The following PIK3R3 variants were observed in gnomAD, a reference collection of about 807,000 sequenced individuals.
The protein encoded by PIK3R3 is phosphatidylinositol 3-kinase regulatory subunit gamma.
Under a neutral mutation model 62.9 loss-of-function variants are expected in PIK3R3, and 64 were observed. The ratio of observed to expected loss-of-function variants is 1.02; its 90% CI spans 0.83 to 1.25. PIK3R3 has a LOEUF of 1.25. Ranked by LOEUF, PIK3R3 falls within the 50% of genes most tolerant of loss-of-function variation. The probability of loss-of-function intolerance (pLI) is 0.00; values close to 1 mark genes in which losing one functional copy is unlikely to be tolerated. For missense variants in PIK3R3, 614 were observed against 561.6 expected (o/e 1.09, Z -0.94); for synonymous variants, 165 against 189.0 (o/e 0.87, Z 1.04).
chr1:46,116,533 G>A (rs571676545), intron 1 of PIK3R3, among the ~76,000 whole-genome samples: 1 of 151,494 alleles, frequency 6.6e-6, no homozygotes, highest in South Asian at 2.1e-4. Flanking sequence ...TCAAAAATGT[G>A]TTTTTGCAGT....
intron 9 of PIK3R3, among the ~76,000 whole-genome samples, chr1:46,045,508 A>C (rs1419958584): frequency 6.6e-6 from 1 of 151,290 alleles, no homozygotes; most frequent in Admixed American, 6.6e-5. Flanking sequence ...TTAAAATTTT[A>C]GATAGAGTTT....
the PIK3R3 span, among the ~76,000 whole-genome samples, chr1:46,159,830 A>C: frequency 6.6e-6 from 1 of 152,128 alleles, no homozygotes; most frequent in Non-Finnish European, 1.5e-5. Context: ...GATTTAGCAT[A>C]GCCAAAGGAA....
chr1:46,092,432 C>G (rs1240440964), intron 1 of PIK3R3, among the ~76,000 whole-genome samples: 1 of 152,182 alleles, frequency 6.6e-6, no homozygotes, highest in Non-Finnish European at 1.5e-5. Flanking sequence ...GGTGCTATCT[C>G]GACTCACTGC....
intron 1 of PIK3R3, among the ~76,000 whole-genome samples, chr1:46,092,204 G>A (rs1397928139): frequency 2.6e-5 from 4 of 152,126 alleles, no homozygotes; most frequent in Admixed American, 6.5e-5. Flanking sequence ...AAATGAAGGC[G>A]CCTTAGCCCA....
intron 3 of PIK3R3, among the ~76,000 whole-genome samples, chr1:46,077,089 C>T (rs915018847): frequency 2.6e-5 from 4 of 152,104 alleles, no homozygotes; most frequent in East Asian, 1.9e-4. Flanking sequence ...GCATGATATA[C>T]GCTAGGAACT....
chr1:46,074,267 C>T (rs576580737), intron 3 of PIK3R3, among the ~76,000 whole-genome samples: 72 of 106,560 alleles, frequency 6.8e-4, no homozygotes, highest in African/African-American at 2.3e-3. Context: ...CCAGCCTGGG[C>T]GACAGAGCTA....
chr1:46,049,103 T>C lies in PIK3R3; in HGVS notation c.942-2478A>G, dbSNP rs916707272. Among the ~76,000 whole-genome samples the C allele has an allele frequency of 1.1e-4, 17 of 151,718 alleles. No homozygotes were observed. The East Asian group carries it at 3.3e-3, about 29-fold the overall frequency. On this transcript the variant is annotated intron_variant, in intron 7 of 9. Coordinates refer to ENST00000262741, the MANE Select transcript of PIK3R3 (RefSeq NM_003629.4). ...AATTAGATTTTTAGAAAAGATACTATATATACATATTTTTTGGCATGGTCT... is the reference window on the plus strand; with the variant it reads ...AATTAGATTTTTAGAAAAGATACTACATATACATATTTTTTGGCATGGTCT...
chr1:46,094,069 A>G (rs79570551), intron 1 of PIK3R3, among the ~76,000 whole-genome samples: 3 of 144,418 alleles, frequency 2.1e-5, no homozygotes, highest in African/African-American at 7.5e-5. Flanking sequence ...ACCCTGTCTC[A>G]AAAAAAAAAA....
At chr1:46,056,011 C>A in intron 6 of PIK3R3, 40 bp from the exon 7 acceptor site, 1 of 1,376,772 alleles carries the variant, frequency 7.3e-7, no homozygotes. Flanking sequence ...AAATAGAAAT[C>A]AAGCAGACAG....
chr1:46,129,003 G>A (rs995849032), intron 1 of PIK3R3, among the ~76,000 whole-genome samples: 10 of 151,896 alleles, frequency 6.6e-5, no homozygotes, highest in Non-Finnish European at 1.3e-4. Context: ...CTCAGGAGGC[G>A]GAGATTGCAG....
In PIK3R3 at chr1:46,066,071, A is replaced by G. The variant is rs368636550; in HGVS notation, c.604T>C (p.Tyr202His). The G allele has an allele frequency of 1.2e-6, 2 of 1,609,192 alleles. No homozygotes were observed. The highest frequency in any genetic ancestry group is 8.5e-7 in the Non-Finnish European group (1 of 1,175,940). Reference sequence around the variant, plus strand: ...ATACCAACCTGGGATGTTCTAGTATATTCTTCATACAGCCTATCATACTCT... The same window carrying G: ...ATACCAACCTGGGATGTTCTAGTATGTTCTTCATACAGCCTATCATACTCT... Reference protein sequence around the residue: ...SKEYDRLYEEYTRTSQEIQMK... With the variant: ...SKEYDRLYEEHTRTSQEIQMK... The change falls in exon 5 of 10, where the codon TAT (tyrosine) becomes CAT (histidine). Residue 202 changes from tyrosine to histidine, a missense_variant. Tyr to His is a moderately conservative substitution (Grantham distance 83). Coordinates refer to ENST00000262741, the MANE Select transcript of PIK3R3 (RefSeq NM_003629.4).
the PIK3R3 span, among the ~76,000 whole-genome samples, chr1:46,173,724 G>A: frequency 3.3e-5 from 5 of 152,280 alleles, no homozygotes; most frequent in East Asian, 7.7e-4. Flanking sequence ...AGCCATCATC[G>A]CAGATACAGC....
chr1:46,045,629 TTTTTTTTTTTTTTTTC>T (rs1482182806), intron 9 of PIK3R3, among the ~76,000 whole-genome samples: 2 of 129,036 alleles, frequency 1.5e-5, no homozygotes, highest in Non-Finnish European at 3.3e-5. Flanking sequence ...TTTTTTTTTT[TTTTTTTTTTTTTTTTC>T]AATTTAAGAT....
chr1:46,122,409 A>C (rs1654754366), intron 1 of PIK3R3, among the ~76,000 whole-genome samples: 1 of 152,108 alleles, frequency 6.6e-6, no homozygotes, highest in Non-Finnish European at 1.5e-5. Flanking sequence ...TCGCTCTGTC[A>C]CCCAGGCTGG....
intron 3 of PIK3R3, among the ~76,000 whole-genome samples, chr1:46,075,344 A>G (rs1201432188): frequency 6.6e-6 from 1 of 152,208 alleles, no homozygotes; most frequent in African/African-American, 2.4e-5. Context: ...GGCTGGGCAC[A>G]GTGGCTCACG....
At chr1:46,168,590 G>C in the PIK3R3 span, among the ~76,000 whole-genome samples, 4 of 152,208 alleles carry the variant, frequency 2.6e-5, no homozygotes, top group Non-Finnish European at 5.9e-5. Flanking sequence ...ACCCAACCTT[G>C]GGCAGGGCAG....
At chr1:46,062,997 C>G (rs1156236558) in intron 5 of PIK3R3, among the ~76,000 whole-genome samples, 3 of 152,182 alleles carry the variant, frequency 2.0e-5, no homozygotes, top group Non-Finnish European at 2.9e-5. Flanking sequence ...ATCCACTATA[C>G]AGAAATTACC....
intron 7 of PIK3R3, among the ~76,000 whole-genome samples, chr1:46,055,370 A>G (rs1214824563): frequency 6.6e-6 from 1 of 152,202 alleles, no homozygotes; most frequent in African/African-American, 2.4e-5. Flanking sequence ...TCGGCCTCCC[A>G]AAGTGCTGGG....
the PIK3R3 span, among the ~76,000 whole-genome samples, chr1:46,152,261 T>C: frequency 3.9e-5 from 6 of 152,200 alleles, no homozygotes; most frequent in Admixed American, 3.9e-4. Flanking sequence ...ACTAAGAGGT[T>C]CTGCCATCAC....
Sources: gnomAD v4.1 joint callset for allele counts (sites outside exome capture counted in the v4.1 genomes callset) on GRCh38, gnomAD v4.1.1 for gene constraint, MANE v1.5 for transcripts, NCBI Gene and HGNC (gene_info 2026-07-23, HGNC 2026-07-21) for gene names.